Variants in APOL4 observed in about 807,000 individuals in gnomAD.
The protein encoded by APOL4 is apolipoprotein L4, also known as apolipoprotein L, 4.
APOL4 carries 14 observed loss-of-function variants against 12.1 expected under a neutral mutation model. The observed-to-expected ratio is 1.16, with a 90% CI of 0.76 to 1.81. APOL4 has a LOEUF of 1.81. Ranked by LOEUF, APOL4 falls within the 40% of genes most tolerant of loss-of-function variation. The pLI is 0.00. For missense variants in APOL4, 432 were observed against 423.1 expected, an observed-to-expected ratio of 1.02 and a Z score of -0.18; for synonymous variants, 171 against 160.6, an observed-to-expected ratio of 1.06 and a Z score of -0.49.
chr22:36,193,109 G>A (rs923271058), intron 3 of APOL4, among the ~76,000 whole-genome samples: 20 of 152,074 alleles, frequency 1.3e-4, no homozygotes, highest in Admixed American at 4.6e-4. Flanking sequence ...CTCTGATCAC[G>A]GTCTTCACCC....
upstream of APOL4, chr22:36,201,889 C>A: frequency 6.3e-7 from 1 of 1,598,488 alleles, no homozygotes; most frequent in Non-Finnish European, 8.5e-7. Flanking sequence ...ATTTTGGTTC[C>A]TAGAAAAACC....
At position 36,198,343 on chromosome 22, in the gene APOL4, A is replaced by G. The variant is rs528553057; in HGVS notation, c.82+987T>C. ...TTTTATCACTGGAACTAATCAAATA[A>G]TGTCCTAATTGCACTTCCATATTCA... On this transcript the variant is annotated intron_variant, in intron 2 of 3. Transcript: ENST00000683024. Among the ~76,000 whole-genome samples the G allele has an allele frequency of 2.6e-5, 4 of 152,338 alleles. No individual in the cohort carries two copies. The South Asian group carries it at 8.3e-4, about 32-fold the overall frequency.
chr22:36,203,895 GT>G (rs1227390093), upstream of APOL4, among the ~76,000 whole-genome samples: 21 of 152,232 alleles, frequency 1.4e-4, no homozygotes, highest in African/African-American at 4.3e-4. Flanking sequence ...CTTTTATTCC[GT>G]AGCAATAGTT....
At chr22:36,201,614 A>C in intron 1 of APOL4, 86 bp downstream of exon 1, 2 of 1,182,326 alleles carry the variant, frequency 1.7e-6, no homozygotes, top group East Asian at 4.0e-5. Context: ...CAAGGCAACC[A>C]TCTCAACACC....
At chr22:36,196,157 C>G (rs1194773044) in intron 2 of APOL4, among the ~76,000 whole-genome samples, 2 of 152,226 alleles carry the variant, frequency 1.3e-5, no homozygotes, top group African/African-American at 2.4e-5. Context: ...TATTGTCAAA[C>G]ACTTTACACC....
intron 1 of APOL4, chr22:36,199,674 C>T: frequency 6.5e-7 from 1 of 1,544,820 alleles, no homozygotes. Flanking sequence ...AGAAACTACA[C>T]AGTCTATACG....
Position 36,195,322 on chromosome 22 carries a change from A to C in APOL4, c.198T>G (p.Ala66=). Residue 66 remains alanine (A), a synonymous_variant, in exon 3 of 4, where the codon GCT becomes GCG. Transcript: ENST00000683024. ...CCCATGGAGGTTACCTGGGCAATTC[A>C]GCCACACGCACAAATCTCTTCCAGG... ...DEAWKRFVRV[A]ELPREEADAL... 1 of 1,613,948 alleles carries C rather than the reference A, an allele frequency of 6.2e-7. No homozygotes were observed. The highest frequency in any genetic ancestry group is 1.1e-5 in the South Asian group (1 of 91,092).
At position 36,195,776 on chromosome 22, in the gene APOL4, TCACACACACA is replaced by T. The variant is rs577893547; in HGVS notation, c.83-349_83-340del. On this transcript the variant is annotated intron_variant, in intron 2 of 3. Coordinates refer to ENST00000683024, the MANE Select transcript of APOL4 (RefSeq NM_001386885.1). ...CTCTCTCTCTCTCTCTCTCTCTCTCTCACACACACACACACACACACACACACACACACAC... is the reference window on the plus strand; with the variant it reads ...CTCTCTCTCTCTCTCTCTCTCTCTCTCACACACACACACACACACACACAC... Among the ~76,000 whole-genome samples the T allele has an allele frequency of 9.4e-4, 91 of 97,058 alleles. 1 individual carries two copies. Among genetic ancestry groups the T allele is most frequent in the African/African-American group, 1.7e-3 (48 of 28,312 alleles). 63.7% of individuals were successfully genotyped at this position (97,058 alleles called of 152,430 possible). A position where few individuals can be genotyped will look rare whatever the true frequency, so the allele number is the denominator to read the frequency against.
intron 1 of APOL4, among the ~76,000 whole-genome samples, chr22:36,200,282 G>A (rs2014533183): frequency 6.6e-6 from 1 of 152,162 alleles, no homozygotes; most frequent in African/African-American, 2.4e-5. Flanking sequence ...CAATGACTGT[G>A]CTCTACTCCC....
upstream of APOL4, chr22:36,204,598 T>TG: frequency 2.4e-6 from 1 of 414,836 alleles, no homozygotes; most frequent in Admixed American, 4.1e-5. Flanking sequence ...AATAAGGAGA[T>TG]GGAGGGAGGT....
chr22:36,201,877 T>A, upstream of APOL4: 1 of 1,589,340 alleles, frequency 6.3e-7, no homozygotes, highest in South Asian at 1.1e-5. Flanking sequence ...TTCCGGGAAG[T>A]GATTTTGGTT....
chr22:36,192,978 T>C (rs1256750161), intron 3 of APOL4, among the ~76,000 whole-genome samples: 1 of 152,214 alleles, frequency 6.6e-6, no homozygotes, highest in Non-Finnish European at 1.5e-5. Context: ...CTCTAGACAT[T>C]GACCTTGGCC....
Position 36,191,763 on chromosome 22 carries a change from A to G in APOL4, c.359T>C (p.Ile120Thr), listed in dbSNP as rs752852742. 7 of 1,613,728 alleles carry G rather than the reference A, an allele frequency of 4.3e-6. No homozygotes were observed. The Admixed American group carries it at 1.2e-4, about 27-fold the overall frequency. ...ATTTGCAATGACACGAAGCCTTTCT[A>G]TGGACTCCTGAATCTTCCATCTGAT... ...PQIRWKIQES[I>T]ERLRVIANEI... is the part of the protein sequence containing the mutation. Residue 120 changes from isoleucine to threonine, a missense_variant, in exon 4 of 4, where the codon ATA becomes ACA. Coordinates refer to ENST00000683024, the MANE Select transcript of APOL4 (RefSeq NM_001386885.1).
upstream of APOL4, chr22:36,204,736 C>T (rs536673703): frequency 2.3e-5 from 8 of 351,630 alleles, no homozygotes; most frequent in South Asian, 3.3e-4. Flanking sequence ...TCCTCCAGCC[C>T]CCAAGATATA....
chr22:36,189,982 G>A lies in APOL4; in HGVS notation c.*1093C>T, dbSNP rs867187036. 10 of 209,158 alleles carry A rather than the reference G, an allele frequency of 4.8e-5. No individual in the cohort carries two copies. The highest frequency in any genetic ancestry group is 8.1e-5 in the Non-Finnish European group (8 of 98,486). 13.0% of individuals were successfully genotyped at this position (209,158 alleles called of 1,614,324 possible). A position where few individuals can be genotyped will look rare whatever the true frequency, so the allele number is the denominator to read the frequency against. ...CTTCCCTGGTGGCTGCACTGCTCTG[G>A]GGTCATTGGGTATCGGGGAACCTGC... On this transcript the variant is annotated 3_prime_UTR_variant, in exon 4 of 4. Transcript: ENST00000683024.
intron 3 of APOL4, among the ~76,000 whole-genome samples, chr22:36,192,773 G>T (rs1438631215): frequency 1.3e-5 from 2 of 152,184 alleles, no homozygotes; most frequent in Non-Finnish European, 2.9e-5. Context: ...GGCGTTTAGG[G>T]CTATTAGGTG....
In APOL4 at chr22:36,190,934, A is replaced by G; in HGVS notation, c.*141T>C. 2 of 762,386 alleles carry G rather than the reference A, an allele frequency of 2.6e-6. No individual in the cohort carries two copies. The highest frequency in any genetic ancestry group is 4.1e-6 in the Non-Finnish European group (2 of 486,800). The allele number at this position is 762,386 out of a possible 1,614,324, so 47.2% of individuals were successfully genotyped here. On this transcript the variant is annotated 3_prime_UTR_variant, in exon 4 of 4. Transcript: ENST00000683024. ...ACAATTTGTGTTTAGAGATTGCGGT[A>G]AAGACAGGCATAGGAAATTATAAAA...
At chr22:36,200,550 G>A (rs890083549) in intron 1 of APOL4, among the ~76,000 whole-genome samples, 7 of 152,200 alleles carry the variant, frequency 4.6e-5, no homozygotes, top group African/African-American at 1.7e-4. Context: ...TCCTCCCCTA[G>A]CTGATGGACC....
At chr22:36,191,946 C>A in intron 3 of APOL4, 34 bp from the exon 4 acceptor site, 1 of 1,512,094 alleles carries the variant, frequency 6.6e-7, no homozygotes, top group Non-Finnish European at 8.9e-7. Flanking sequence ...TTAAGAAAGG[C>A]AGCTTACTTA....
Sources: allele counts gnomAD v4.1 joint callset (sites outside exome capture counted in the v4.1 genomes callset), GRCh38; gene constraint gnomAD v4.1.1; transcripts MANE v1.5; gene names NCBI Gene and HGNC (gene_info 2026-07-23, HGNC 2026-07-21).